Variants in CSMD3 observed in about 807,000 individuals in gnomAD.
CSMD3 encodes CUB and Sushi multiple domains 3.
A neutral mutation model predicts 435.2 loss-of-function variants in CSMD3; 177 were observed. The observed-to-expected ratio is 0.41, with a 90% confidence interval of 0.36 to 0.46. CSMD3 has a LOEUF of 0.46. Among genes scored for constraint, CSMD3 ranks in the 20% least tolerant of loss-of-function variants. The pLI is 0.34. For synonymous variants in CSMD3, 1,656 were observed against 1,520.5 expected, an observed-to-expected ratio of 1.09 and a Z score of -2.07; for missense variants, 4,265 against 4,504.6, an observed-to-expected ratio of 0.95 and a Z score of 1.52.
chr8:112,602,720 A>G, intron 22 of CSMD3, among the ~76,000 whole-genome samples: 1 of 151,894 alleles, frequency 6.6e-6, no homozygotes, highest in East Asian at 1.9e-4. Context: ...TATATACTAT[A>G]TTCTTACAAT....
intron 1 of CSMD3, among the ~76,000 whole-genome samples, chr8:113,347,797 G>T (rs1361200732): frequency 5.3e-5 from 8 of 152,046 alleles, no homozygotes; most frequent in Admixed American, 4.6e-4. Flanking sequence ...AACAAATAAC[G>T]TTTTTTAAAA....
intron 12 of CSMD3, among the ~76,000 whole-genome samples, chr8:112,819,366 T>C (rs2132426499): frequency 6.6e-6 from 1 of 152,252 alleles, no homozygotes; most frequent in Middle Eastern, 3.4e-3. Context: ...AGAGGGACTT[T>C]CCAATTCCTC....
intron 3 of CSMD3, among the ~76,000 whole-genome samples, chr8:113,177,631 G>C (rs1165739013): frequency 6.6e-6 from 1 of 151,954 alleles, no homozygotes; most frequent in Non-Finnish European, 1.5e-5. Flanking sequence ...AGAGCGGGCA[G>C]GTTGATGAAC....
At chr8:113,059,750 A>G (rs1343630561) in intron 5 of CSMD3, among the ~76,000 whole-genome samples, 2 of 152,132 alleles carry the variant, frequency 1.3e-5, no homozygotes, top group Admixed American at 6.6e-5. Context: ...TCTATTGGGA[A>G]CAAAGAAAGG....
rs778607693 is a variant in CSMD3, at chr8:113,151,927, A to C, written c.709+21795T>G. On this transcript the variant is annotated intron_variant, in intron 4 of 70. Transcript: ENST00000297405. Reference sequence around the variant, plus strand: ...TAACCAGATGTGGCCAGTCTGAAGAACAGCTCAGAAATAGTCAAATCTAAA... The same window carrying C: ...TAACCAGATGTGGCCAGTCTGAAGACCAGCTCAGAAATAGTCAAATCTAAA... Among the ~76,000 whole-genome samples the C allele has an allele frequency of 4.5e-4, 68 of 152,052 alleles. 1 individual carries two copies. The highest frequency in any genetic ancestry group is 1.0e-4 in the Non-Finnish European group (7 of 67,992).
rs560833195 is a variant in CSMD3, at chr8:112,586,224, CAT to C, written c.3885+840_3885+841del. 1.0e-3 allele frequency among the ~76,000 whole-genome samples: 153 copies of C among 151,324 alleles called. 1 individual carries two copies. The highest frequency in any genetic ancestry group is 3.5e-3 in the African/African-American group (145 of 41,406). On this transcript the variant is annotated intron_variant, in intron 23 of 70. Coordinates refer to ENST00000297405, the MANE Select transcript of CSMD3 (RefSeq NM_198123.2). ...TCCTGCTGCAGCCAATTTGGAATAACATAATTTTTTTTCAAGATTTGTGAAAA... is the reference window on the plus strand; with the variant it reads ...TCCTGCTGCAGCCAATTTGGAATAACAATTTTTTTTCAAGATTTGTGAAAA...
At chr8:112,355,944 A>T (rs1318401657) in intron 38 of CSMD3, among the ~76,000 whole-genome samples, 1 of 152,218 alleles carries the variant, frequency 6.6e-6, no homozygotes, top group Non-Finnish European at 1.5e-5. Flanking sequence ...GCTCAATATC[A>T]GTAATCACCA....
At chr8:112,526,683 T>C (rs1825001703) in intron 27 of CSMD3, among the ~76,000 whole-genome samples, 1 of 152,012 alleles carries the variant, frequency 6.6e-6, no homozygotes, top group Admixed American at 6.6e-5. Context: ...ATTTTATCTT[T>C]AATATTAAAT....
chr8:112,788,733 C>T (rs2078615927), intron 13 of CSMD3, among the ~76,000 whole-genome samples: 1 of 152,090 alleles, frequency 6.6e-6, no homozygotes, highest in Non-Finnish European at 1.5e-5. Flanking sequence ...TAATATTCTA[C>T]TACCACTCAT....
intron 13 of CSMD3, among the ~76,000 whole-genome samples, chr8:112,760,376 G>A (rs2077809038): frequency 2.0e-5 from 3 of 152,086 alleles, no homozygotes. Flanking sequence ...TCAGTTATTT[G>A]TTGGGACAAC....
At chr8:113,300,415 T>C (rs908599016) in intron 2 of CSMD3, among the ~76,000 whole-genome samples, 4 of 152,092 alleles carry the variant, frequency 2.6e-5, no homozygotes, top group Non-Finnish European at 5.9e-5. Flanking sequence ...CTATTCCCAA[T>C]AGCAAAGTCA....
chr8:112,726,133 T>C (rs1029845157), intron 13 of CSMD3, among the ~76,000 whole-genome samples: 3 of 151,906 alleles, frequency 2.0e-5, no homozygotes. Context: ...CACTCAATAT[T>C]AGGAGAACAG....
At chr8:112,471,480 G>A (rs1737449301) in intron 32 of CSMD3, among the ~76,000 whole-genome samples, 1 of 152,144 alleles carries the variant, frequency 6.6e-6, no homozygotes, top group Admixed American at 6.5e-5. Context: ...ACTTTGTAGA[G>A]TACAAAAACA....
chr8:112,649,357 C>T lies in CSMD3; in HGVS notation c.3193+804G>A, dbSNP rs1284432007. Among the ~76,000 whole-genome samples, 3 of 152,218 alleles carry T rather than the reference C, an allele frequency of 2.0e-5. No individual in the cohort carries two copies. In the East Asian group the frequency reaches 5.8e-4, roughly 29 times the overall value. ...AAATCTTCATATAAAAACAAATTAG[C>T]TTAAAACTGTTTAAAAAATGATGGC... On this transcript the variant is annotated intron_variant, in intron 19 of 70. Transcript: ENST00000297405.
At chr8:113,328,800 C>T (rs1404693474) in intron 1 of CSMD3, among the ~76,000 whole-genome samples, 4 of 117,236 alleles carry the variant, frequency 3.4e-5, no homozygotes, top group Non-Finnish European at 1.6e-5. Flanking sequence ...AGTACAGTGG[C>T]GTGATAACGA....
intron 67 of CSMD3, among the ~76,000 whole-genome samples, chr8:112,236,347 T>A (rs1172927598): frequency 6.6e-6 from 1 of 152,080 alleles, no homozygotes; most frequent in Non-Finnish European, 1.5e-5. Context: ...AATGCATTAA[T>A]TTGAAAATAT....
intron 5 of CSMD3, among the ~76,000 whole-genome samples, chr8:113,080,339 T>C (rs974335008): frequency 3.9e-5 from 6 of 152,214 alleles, no homozygotes; most frequent in African/African-American, 1.4e-4. Context: ...GTGGCATTAA[T>C]ATAAACTACA....
At chr8:112,314,826 T>C (rs1455759194) in intron 47 of CSMD3, among the ~76,000 whole-genome samples, 2 of 151,998 alleles carry the variant, frequency 1.3e-5, no homozygotes, top group African/African-American at 4.8e-5. Flanking sequence ...TTATTTTTTA[T>C]TACATGGAAG....
At chr8:113,430,360 A>G (rs1440369163) in intron 1 of CSMD3, among the ~76,000 whole-genome samples, 2 of 144,772 alleles carry the variant, frequency 1.4e-5, no homozygotes, top group Non-Finnish European at 3.0e-5. Flanking sequence ...AACCCCCGAT[A>G]TTGTCATGTA....
Sources: gnomAD v4.1 joint callset for allele counts (sites outside exome capture counted in the v4.1 genomes callset) on GRCh38, gnomAD v4.1.1 for gene constraint, MANE v1.5 for transcripts, NCBI Gene and HGNC (gene_info 2026-07-23, HGNC 2026-07-21) for gene names.